PRKN: variants seen among roughly 807,000 people sequenced by gnomAD.
The protein encoded by PRKN is parkin RBR E3 ubiquitin protein ligase.
Under a neutral mutation model 59.5 loss-of-function variants are expected in PRKN, and 56 were observed. That is an observed-to-expected ratio of 0.94 (90% CI 0.76 to 1.18). The LOEUF (loss-of-function observed/expected upper bound fraction) is 1.18. Among genes scored for constraint, PRKN ranks in the 50% most tolerant of loss-of-function variants. The pLI, the probability that PRKN is intolerant of heterozygous loss-of-function variation, is 0.00. For missense variants in PRKN, 657 were observed against 596.4 expected (o/e 1.10, Z -1.06); for synonymous variants, 250 against 222.1 (o/e 1.13, Z -1.12).
intron 7 of PRKN, among the ~76,000 whole-genome samples, chr6:161,705,714 T>C (rs1258956014): frequency 6.6e-6 from 1 of 152,188 alleles, no homozygotes; most frequent in Non-Finnish European, 1.5e-5. Flanking sequence ...TCCCTAACTA[T>C]ACCGTACCAA....
chr6:162,633,812 T>C (rs1319177242), intron 1 of PRKN, among the ~76,000 whole-genome samples: 1 of 152,112 alleles, frequency 6.6e-6, no homozygotes, highest in African/African-American at 2.4e-5. Flanking sequence ...GAGGAACGTG[T>C]GTAGCTAGAT....
In PRKN at chr6:161,566,751, C is replaced by T. The variant is rs1780657476; in HGVS notation, c.933+2604G>A. 6.6e-6 allele frequency among the ~76,000 whole-genome samples: 1 copy of T among 152,074 alleles called. No homozygotes were observed. Among genetic ancestry groups the T allele is most frequent in the Admixed American group, 6.5e-5 (1 of 15,272 alleles). On this transcript the variant is annotated intron_variant, in intron 8 of 11. Transcript: ENST00000366898. The surrounding 1 kb of genome is among the most constrained non-coding windows in gnomAD (Gnocchi z 4.1). Reference sequence around the variant, plus strand: ...CAACCCTATCTCATGCAATGTGGCTCCTTCCTCTTTGTTTTGCTCTGTCCT... The same window carrying T: ...CAACCCTATCTCATGCAATGTGGCTTCTTCCTCTTTGTTTTGCTCTGTCCT...
At chr6:162,693,958 G>A (rs547558945) in intron 1 of PRKN, among the ~76,000 whole-genome samples, 1 of 152,200 alleles carries the variant, frequency 6.6e-6, no homozygotes, top group African/African-American at 2.4e-5. Flanking sequence ...TACTTAAAAT[G>A]TTGAAGAGGT....
intron 6 of PRKN, among the ~76,000 whole-genome samples, chr6:161,928,266 T>C (rs770361323): frequency 6.6e-6 from 1 of 152,232 alleles, no homozygotes; most frequent in Non-Finnish European, 1.5e-5. Context: ...TATTTTGTTA[T>C]GGCAGCCTGA....
chr6:162,516,906 C>T (rs1223959457), intron 1 of PRKN, among the ~76,000 whole-genome samples: 1 of 152,122 alleles, frequency 6.6e-6, no homozygotes, highest in African/African-American at 2.4e-5. Context: ...AAAGAAATTG[C>T]TCAGATATAC....
chr6:162,301,779 G>GGC (rs753684887), intron 2 of PRKN, among the ~76,000 whole-genome samples: 2 of 111,118 alleles, frequency 1.8e-5, no homozygotes, highest in Admixed American at 1.1e-4. Context: ...TAAATTGGCC[G>GGC]GGGCGGGGGG....
intron 2 of PRKN, among the ~76,000 whole-genome samples, chr6:162,390,660 C>T (rs575969390): frequency 6.6e-6 from 1 of 152,070 alleles, no homozygotes; most frequent in African/African-American, 2.4e-5. Context: ...CCAGGCTGAT[C>T]TCGAACTCCT....
chr6:161,431,637 G>A (rs1303321190), intron 9 of PRKN, among the ~76,000 whole-genome samples: 1 of 150,430 alleles, frequency 6.6e-6, no homozygotes, highest in Non-Finnish European at 1.5e-5. Context: ...TTTTGAGATG[G>A]AGTCTTGCTC....
intron 7 of PRKN, among the ~76,000 whole-genome samples, chr6:161,770,528 T>C (rs989539642): frequency 2.0e-5 from 3 of 152,056 alleles, no homozygotes; most frequent in Non-Finnish European, 2.9e-5. Flanking sequence ...AGTGCAATGG[T>C]GCCGTCTCAG....
chr6:162,640,291 T>G (rs904610641), intron 1 of PRKN, among the ~76,000 whole-genome samples: 2 of 152,174 alleles, frequency 1.3e-5, no homozygotes, highest in Non-Finnish European at 2.9e-5. Flanking sequence ...CGATATTGCT[T>G]GCACAATTGA....
At chr6:161,946,414 A>ACACACACTCTCTCTCT (rs1247187053) in intron 6 of PRKN, among the ~76,000 whole-genome samples, 6 of 114,376 alleles carry the variant, frequency 5.2e-5, no homozygotes, top group African/African-American at 2.2e-4. Flanking sequence ...ACACACACAC[A>ACACACACTCTCTCTCT]CTCTCTCTCT....
intron 7 of PRKN, among the ~76,000 whole-genome samples, chr6:161,680,618 C>T (rs1785281649): frequency 6.6e-6 from 1 of 150,780 alleles, no homozygotes; most frequent in Non-Finnish European, 1.5e-5. Flanking sequence ...GGAGAGCCAC[C>T]TTTTGAGAAG....
chr6:161,816,053 G>T (rs1791766734), intron 6 of PRKN, among the ~76,000 whole-genome samples: 3 of 152,068 alleles, frequency 2.0e-5, no homozygotes, highest in African/African-American at 7.2e-5. Context: ...GTACACAAAT[G>T]CTCCTGGCAG....
In PRKN at chr6:161,360,439, T is replaced by C. The variant is rs1440184696; in HGVS notation, c.1168-234A>G. On this transcript the variant is annotated intron_variant, in intron 10 of 11. Coordinates refer to ENST00000366898, the MANE Select transcript of PRKN (RefSeq NM_004562.3). The surrounding 1 kb of genome is among the most constrained non-coding windows in gnomAD (Gnocchi z 5.1). The stretch of plus-strand genomic sequence containing the variant: ...GGGAAGAGATTGTTTGGTTTTGTAG[T>C]GTGAGCTCCTCTATTCTGTTGTTTT... Among the ~76,000 whole-genome samples the C allele has an allele frequency of 6.6e-6, 1 of 152,228 alleles. No individual in the cohort carries two copies. The highest frequency in any genetic ancestry group is 2.4e-5 in the African/African-American group (1 of 41,458).
chr6:161,733,728 T>C (rs1230190695), intron 7 of PRKN, among the ~76,000 whole-genome samples: 7 of 148,228 alleles, frequency 4.7e-5, no homozygotes, highest in African/African-American at 1.8e-4. Context: ...CAGTGGATCA[T>C]TTAATATCCC....
intron 1 of PRKN, among the ~76,000 whole-genome samples, chr6:162,661,044 C>G (rs945567672): frequency 2.0e-5 from 3 of 152,178 alleles, no homozygotes; most frequent in African/African-American, 7.2e-5. Flanking sequence ...GGCGGATCAC[C>G]TGAGGTCAGG....
chr6:162,151,717 T>G (rs554893049), intron 4 of PRKN, among the ~76,000 whole-genome samples: 1 of 152,116 alleles, frequency 6.6e-6, no homozygotes, highest in Non-Finnish European at 1.5e-5. Flanking sequence ...GTCTTGCCAG[T>G]CCCACTTTAA....
chr6:161,879,605 C>G (rs1042125299), intron 6 of PRKN, among the ~76,000 whole-genome samples: 1 of 152,090 alleles, frequency 6.6e-6, no homozygotes, highest in African/African-American at 2.4e-5. Flanking sequence ...CTCAGACTCC[C>G]AAAGTGCTGG....
chr6:161,678,216 C>CTTTTTTTTTTTTT lies in PRKN; in HGVS notation c.871+107543_871+107555dup, dbSNP rs3066554. Among the ~76,000 whole-genome samples, 27 of 64,948 alleles carry CTTTTTTTTTTTTT rather than the reference C, an allele frequency of 4.2e-4. 6 individuals are homozygous for CTTTTTTTTTTTTT. The highest frequency in any genetic ancestry group is 1.4e-3 in the African/African-American group (18 of 12,690). 42.6% of individuals were successfully genotyped at this position (64,948 alleles called of 152,430 possible). On this transcript the variant is annotated intron_variant, in intron 7 of 11. Coordinates refer to ENST00000366898, the MANE Select transcript of PRKN (RefSeq NM_004562.3). ...TTATGGTAATAACAATACTGAATCACTTTTTTTTTTTTTTTTTTTTTTTTT... is the reference window on the plus strand; with the variant it reads ...TTATGGTAATAACAATACTGAATCACTTTTTTTTTTTTTTTTTTTTTTTTTTTTTTTTTTTTTT...
Sources: gnomAD v4.1 joint callset for allele counts (sites outside exome capture counted in the v4.1 genomes callset) on GRCh38, gnomAD v4.1.1 for gene constraint, Gnocchi (gnomAD v3.1) non-coding constraint, MANE v1.5 for transcripts, NCBI Gene and HGNC (gene_info 2026-07-23, HGNC 2026-07-21) for gene names.